The following TMEM123 variants were observed in gnomAD, a reference collection of about 807,000 sequenced individuals.
The protein encoded by TMEM123 is porimin.
TMEM123 carries 16 observed loss-of-function variants against 19.7 expected under a neutral mutation model. The ratio of observed to expected loss-of-function variants is 0.81; its 90% CI spans 0.55 to 1.23. The LOEUF is 1.23. TMEM123 is among the 50% of genes most tolerant of loss of function. The pLI is 0.00. For missense variants in TMEM123, 313 were observed against 257.8 expected, an observed-to-expected ratio of 1.21 and a Z score of -1.47; for synonymous variants, 118 against 99.4, an observed-to-expected ratio of 1.19 and a Z score of -1.12.
intron 1 of TMEM123, chr11:102,451,126 A>C (rs944810489): frequency 5.3e-5 from 8 of 152,234 alleles, no homozygotes; most frequent in African/African-American, 1.9e-4. Flanking sequence ...AGTAATAAAC[A>C]GAACAAACAG....
At chr11:102,412,139 G>A (rs897899686) in intron 2 of TMEM123, among the ~76,000 whole-genome samples, 1 of 152,076 alleles carries the variant, frequency 6.6e-6, no homozygotes, top group Non-Finnish European at 1.5e-5. Context: ...TATATTAAAA[G>A]CAAATAGAGG....
chr11:102,400,370 C>G (rs1437635367), intron 4 of TMEM123, among the ~76,000 whole-genome samples: 1 of 152,142 alleles, frequency 6.6e-6, no homozygotes, highest in Non-Finnish European at 1.5e-5. Flanking sequence ...TAATGTATAT[C>G]AATATTTTAA....
At chr11:102,409,622 T>A (rs935630764) in intron 2 of TMEM123, among the ~76,000 whole-genome samples, 3 of 151,830 alleles carry the variant, frequency 2.0e-5, no homozygotes, top group African/African-American at 7.3e-5. Flanking sequence ...ATCCCAGCAC[T>A]TTGGGAGGCC....
intron 2 of TMEM123, among the ~76,000 whole-genome samples, chr11:102,438,635 C>A (rs1591565601): frequency 6.6e-6 from 1 of 152,150 alleles, no homozygotes; most frequent in African/African-American, 2.4e-5. Flanking sequence ...CCAAGATGGC[C>A]GAATAGGAAC....
chr11:102,400,786 C>T (rs1173215777), intron 4 of TMEM123, among the ~76,000 whole-genome samples: 2 of 152,118 alleles, frequency 1.3e-5, no homozygotes, highest in Non-Finnish European at 2.9e-5. Context: ...ATGGTGGCAC[C>T]CTGATCTTGG....
chr11:102,416,174 CA>C (rs1386379606), intron 2 of TMEM123, among the ~76,000 whole-genome samples: 3 of 152,180 alleles, frequency 2.0e-5, no homozygotes, highest in Non-Finnish European at 4.4e-5. Context: ...CCTGGCCTCC[CA>C]AAGTGTTGGG....
intron 2 of TMEM123, among the ~76,000 whole-genome samples, chr11:102,429,472 G>A (rs1952157297): frequency 6.6e-6 from 1 of 152,126 alleles, no homozygotes; most frequent in Non-Finnish European, 1.5e-5. Flanking sequence ...CGTACAAAAT[G>A]AAGTTTCTAA....
At chr11:102,421,953 T>A (rs1952090646) in intron 2 of TMEM123, among the ~76,000 whole-genome samples, 1 of 152,180 alleles carries the variant, frequency 6.6e-6, no homozygotes, top group African/African-American at 2.4e-5. Flanking sequence ...CTGTTGGAGG[T>A]GGCAGTGAAG....
At chr11:102,422,591 A>G (rs1952096207) in intron 2 of TMEM123, among the ~76,000 whole-genome samples, 1 of 152,200 alleles carries the variant, frequency 6.6e-6, no homozygotes, top group East Asian at 1.9e-4. Flanking sequence ...CTTTCAGAAT[A>G]ACCACTATCT....
chr11:102,441,806 A>G (rs1293742676), intron 2 of TMEM123, among the ~76,000 whole-genome samples: 1 of 152,206 alleles, frequency 6.6e-6, no homozygotes, highest in African/African-American at 2.4e-5. Context: ...ACCACTAGCA[A>G]GACTAATAAA....
At chr11:102,444,406 G>A (rs1857860311) in intron 2 of TMEM123, among the ~76,000 whole-genome samples, 1 of 152,014 alleles carries the variant, frequency 6.6e-6, no homozygotes, top group Non-Finnish European at 1.5e-5. Context: ...GGACATGGAT[G>A]AAGCTGGAAA....
chr11:102,412,345 T>G (rs1482484937), intron 2 of TMEM123, among the ~76,000 whole-genome samples: 1 of 152,148 alleles, frequency 6.6e-6, no homozygotes, highest in Non-Finnish European at 1.5e-5. Context: ...GGAGAATCAC[T>G]TGAACCCAGG....
At chr11:102,403,963 G>T (rs1171489794) in intron 2 of TMEM123, among the ~76,000 whole-genome samples, 1 of 152,172 alleles carries the variant, frequency 6.6e-6, no homozygotes, top group East Asian at 1.9e-4. Flanking sequence ...AGGGCTTGCA[G>T]AACTTTCCCA....
intron 2 of TMEM123, among the ~76,000 whole-genome samples, chr11:102,441,160 C>G (rs1419603960): frequency 1.3e-5 from 2 of 152,132 alleles, no homozygotes; most frequent in Non-Finnish European, 2.9e-5. Context: ...ACAAGGATAT[C>G]CGGGACTTGA....
At chr11:102,433,670 T>C (rs574248365) in intron 2 of TMEM123, among the ~76,000 whole-genome samples, 10 of 151,980 alleles carry the variant, frequency 6.6e-5, no homozygotes, top group African/African-American at 9.6e-5. Flanking sequence ...TAAAATTATA[T>C]GGTTTGGCTA....
Position 102,397,413 on chromosome 11 carries a change from A to G in TMEM123, c.*1454T>C, listed in dbSNP as rs539032282. ...CCCTCTGAGATAGAAATGCCATCTT[A>G]GTATTTACTGTGACTACATACCTCT... On this transcript the variant is annotated 3_prime_UTR_variant, in exon 5 of 5. Transcript: ENST00000398136. The G allele has an allele frequency of 6.6e-6, 1 of 152,196 alleles. No individual in the cohort carries two copies. Among genetic ancestry groups the G allele is most frequent in the African/African-American group, 2.4e-5 (1 of 41,456 alleles). 9.4% of individuals were successfully genotyped at this position (152,196 alleles called of 1,614,324 possible).
chr11:102,438,057 T>C (rs920075057), intron 2 of TMEM123, among the ~76,000 whole-genome samples: 3 of 148,956 alleles, frequency 2.0e-5, no homozygotes, highest in African/African-American at 5.2e-5. Context: ...TGTTTATTTA[T>C]TATTATTATT....
In TMEM123 at chr11:102,414,459, T is replaced by C. The variant is rs1952028502; in HGVS notation, c.158-12253A>G. 2.0e-5 allele frequency among the ~76,000 whole-genome samples: 3 copies of C among 152,118 alleles called. No homozygotes were observed. In the South Asian group the frequency reaches 6.2e-4, roughly 32 times the overall value. On this transcript the variant is annotated intron_variant, in intron 2 of 4. Transcript: ENST00000398136. The stretch of plus-strand genomic sequence containing the variant: ...ACTAAAGACAGAGAGAAGGGGCAGG[T>C]AACTTACAGAGGGAACCCCATCAGG...
intron 2 of TMEM123, among the ~76,000 whole-genome samples, chr11:102,404,373 T>C (rs1311955869): frequency 2.0e-5 from 3 of 151,666 alleles, no homozygotes; most frequent in Admixed American, 2.0e-4. Context: ...AACCTCCGCC[T>C]TCTGGGTTCA....
Sources: gnomAD v4.1 joint callset for allele counts (sites outside exome capture counted in the v4.1 genomes callset) on GRCh38, gnomAD v4.1.1 for gene constraint, MANE v1.5 for transcripts, NCBI Gene and HGNC (gene_info 2026-07-23, HGNC 2026-07-21) for gene names.